Variants in ITPR2 observed in about 807,000 individuals in gnomAD.
ITPR2 encodes inositol 1,4,5-trisphosphate receptor type 2.
ITPR2 carries 207 observed loss-of-function variants against 317.1 expected under a neutral mutation model. The observed-to-expected ratio is 0.65, with a 90% CI of 0.58 to 0.73. The LOEUF (loss-of-function observed/expected upper bound fraction) is 0.73, where lower values mean the gene tolerates loss of function less well. Among genes scored for constraint, ITPR2 ranks in the 30% least tolerant of loss-of-function variants. ITPR2 has a pLI of 0.00. For missense variants in ITPR2, 2,613 were observed against 3,284.0 expected (o/e 0.80, Z 4.99); for synonymous variants, 1,156 against 1,149.1 (o/e 1.01, Z -0.12).
chr12:26,809,520 T>C (rs1321301934), intron 1 of ITPR2, among the ~76,000 whole-genome samples: 1 of 152,200 alleles, frequency 6.6e-6, no homozygotes, highest in Non-Finnish European at 1.5e-5. Context: ...ACAGGCAATC[T>C]CATTTGACAT....
intron 37 of ITPR2, among the ~76,000 whole-genome samples, chr12:26,506,500 T>G (rs1032127584): frequency 7.3e-5 from 9 of 123,506 alleles, no homozygotes; most frequent in Middle Eastern, 4.4e-3. Flanking sequence ...CTGTCCAGCC[T>G]GGGAGTAGGA....
intron 39 of ITPR2, among the ~76,000 whole-genome samples, chr12:26,491,696 A>G (rs1474669289): frequency 1.3e-5 from 2 of 152,060 alleles, no homozygotes; most frequent in Non-Finnish European, 2.9e-5. Context: ...AGAATCACAG[A>G]AGTTGGTCAT....
intron 55 of ITPR2, 43 bp downstream of exon 55, chr12:26,387,391 A>C (rs765123150): frequency 1.9e-6 from 3 of 1,581,950 alleles, no homozygotes; most frequent in Non-Finnish European, 2.6e-6. Flanking sequence ...GAAAGCCTAA[A>C]AGATACAATA....
At chr12:26,369,868 A>G (rs1939130889) in intron 55 of ITPR2, among the ~76,000 whole-genome samples, 1 of 152,192 alleles carries the variant, frequency 6.6e-6, no homozygotes, top group African/African-American at 2.4e-5. Context: ...GCTCAATTAT[A>G]CGGCAGATGA....
intron 45 of ITPR2, among the ~76,000 whole-genome samples, chr12:26,474,733 G>A (rs1275965326): frequency 1.4e-5 from 2 of 140,972 alleles, no homozygotes; most frequent in Non-Finnish European, 3.0e-5. Flanking sequence ...GGCGGAGCTT[G>A]CAGTGAGCCG....
At chr12:26,593,026 A>G (rs1426991781) in intron 32 of ITPR2, among the ~76,000 whole-genome samples, 1 of 152,228 alleles carries the variant, frequency 6.6e-6, no homozygotes, top group Non-Finnish European at 1.5e-5. Flanking sequence ...TTTACAAATC[A>G]GGAAACTCAG....
At position 26,388,684 on chromosome 12, in the gene ITPR2, C is replaced by G. The variant is rs994094681; in HGVS notation, c.7697-1090G>C. On this transcript the variant is annotated intron_variant, in intron 54 of 56. Coordinates refer to ENST00000381340, the MANE Select transcript of ITPR2 (RefSeq NM_002223.4). ...TTCACAATGTTGCCCAGCCTGAAGA[C>G]CTTTTTTAAATAATAAGATATAAAG... Among the ~76,000 whole-genome samples, 3 of 151,930 alleles carry G rather than the reference C, an allele frequency of 2.0e-5. No homozygotes were observed. The East Asian group carries it at 5.8e-4, about 29-fold the overall frequency.
intron 55 of ITPR2, among the ~76,000 whole-genome samples, chr12:26,354,830 G>A (rs1405226184): frequency 1.3e-5 from 2 of 152,004 alleles, no homozygotes; most frequent in East Asian, 1.9e-4. Flanking sequence ...CATCTAACAC[G>A]CCCAGCTAAT....
At chr12:26,398,792 G>T in intron 54 of ITPR2, 84 bp downstream of exon 54, 1 of 1,164,120 alleles carries the variant, frequency 8.6e-7, no homozygotes, top group South Asian at 1.5e-5. Context: ...TTTTCCGAAA[G>T]CATGAAAAAT....
At chr12:26,605,051 G>A (rs1349119401) in intron 26 of ITPR2, among the ~76,000 whole-genome samples, 1 of 145,340 alleles carries the variant, frequency 6.9e-6, no homozygotes, top group African/African-American at 2.6e-5. Flanking sequence ...TTGCACCACA[G>A]CACTGCAGCC....
intron 55 of ITPR2, among the ~76,000 whole-genome samples, chr12:26,341,300 T>C (rs1252464329): frequency 6.6e-6 from 1 of 152,190 alleles, no homozygotes; most frequent in Non-Finnish European, 1.5e-5. Flanking sequence ...TAAATCACCT[T>C]CTCCCAACAT....
chr12:26,674,862 C>T (rs1947872289), intron 13 of ITPR2, among the ~76,000 whole-genome samples: 1 of 151,656 alleles, frequency 6.6e-6, no homozygotes, highest in South Asian at 2.1e-4. Context: ...AAAAAACAAA[C>T]AACCCCATCA....
intron 54 of ITPR2, among the ~76,000 whole-genome samples, chr12:26,388,729 G>A (rs116027149): frequency 0.013 from 2,033 of 151,828 alleles, 41 homozygotes; most frequent in African/African-American, 0.046. Flanking sequence ...TAAAAAATCT[G>A]TCCCCATTGA....
chr12:26,728,204 A>T (rs1044402922), intron 2 of ITPR2, among the ~76,000 whole-genome samples: 4 of 152,196 alleles, frequency 2.6e-5, no homozygotes, highest in African/African-American at 9.6e-5. Flanking sequence ...TGTTGTGAAA[A>T]GACAGTAGGG....
chr12:26,803,549 T>A (rs1950595913), intron 1 of ITPR2, among the ~76,000 whole-genome samples: 1 of 152,176 alleles, frequency 6.6e-6, no homozygotes, highest in Admixed American at 6.5e-5. Context: ...TAAAGTAACA[T>A]TTAATTACAT....
intron 11 of ITPR2, 96 bp downstream of exon 11, chr12:26,686,385 T>C (rs1041029843): frequency 1.0e-4 from 77 of 757,328 alleles, no homozygotes; most frequent in Non-Finnish European, 9.7e-6. Flanking sequence ...GTTTGCTCCC[T>C]TGATATCATA....
intron 44 of ITPR2, among the ~76,000 whole-genome samples, chr12:26,476,377 G>A (rs1039642767): frequency 6.6e-6 from 1 of 152,118 alleles, no homozygotes; most frequent in Non-Finnish European, 1.5e-5. Context: ...TGCATGCCAC[G>A]AGTGAGAAAG....
At chr12:26,695,848 C>T (rs550501013) in intron 9 of ITPR2, among the ~76,000 whole-genome samples, 198 bp from the exon 10 acceptor site, 1 of 152,178 alleles carries the variant, frequency 6.6e-6, no homozygotes, top group East Asian at 1.9e-4. Context: ...AGCTGACATG[C>T]CAAGTTCATT....
At chr12:26,726,169 C>T (rs574972849) in intron 2 of ITPR2, among the ~76,000 whole-genome samples, 1 of 152,278 alleles carries the variant, frequency 6.6e-6, no homozygotes, top group South Asian at 2.1e-4. Flanking sequence ...GTATATTTGA[C>T]AGCCAAAGTG....
Sources: allele counts gnomAD v4.1 joint callset (sites outside exome capture counted in the v4.1 genomes callset), GRCh38; gene constraint gnomAD v4.1.1; transcripts MANE v1.5; gene names NCBI Gene and HGNC (gene_info 2026-07-23, HGNC 2026-07-21).